CELF2: variants seen among roughly 807,000 people sequenced by gnomAD.
The protein encoded by CELF2 is CUG triplet repeat RNA-binding protein 2.
A neutral mutation model predicts 62.6 loss-of-function variants in CELF2; 8 were observed. The ratio of observed to expected loss-of-function variants is 0.13; its 90% CI spans 0.07 to 0.23. CELF2 has a LOEUF of 0.23. Ranked by LOEUF, CELF2 falls within the 10% of genes least tolerant of loss-of-function variation. The pLI is 1.00. For missense variants in CELF2, 333 were observed against 671.0 expected (o/e 0.50, Z 5.56); for synonymous variants, 258 against 250.0 (o/e 1.03, Z -0.30).
In CELF2 at chr10:11,223,400, T is replaced by C. The variant is rs750650038; in HGVS notation, c.354+5893T>C. Among the ~76,000 whole-genome samples, 4 of 152,242 alleles carry C rather than the reference T, an allele frequency of 2.6e-5. No homozygotes were observed. The highest frequency in any genetic ancestry group is 2.1e-4 in the South Asian group (1 of 4,836). On this transcript the variant is annotated intron_variant, in intron 3 of 12. Coordinates refer to ENST00000633077, the MANE Select transcript of CELF2 (RefSeq NM_001326342.2). The surrounding 1 kb of genome is among the most constrained non-coding windows in gnomAD (Gnocchi z 5.1). ...CACACATGTATTCTGCTGCGGAATG[T>C]GTCAGTCAGGACATCCATTTGGTGC...
rs142024856 is a variant in CELF2 at position 11,221,574 on chromosome 10, G to C, written c.354+4067G>C. On this transcript the variant is annotated intron_variant, in intron 3 of 12. Coordinates refer to ENST00000633077, the MANE Select transcript of CELF2 (RefSeq NM_001326342.2). ...ATTGTCTCTGGTAATAAGGCTTTTG[G>C]ATTGAAATCCACAGCAGTATCATTA... Among the ~76,000 whole-genome samples the C allele has an allele frequency of 3.9e-5, 6 of 152,254 alleles. No homozygotes were observed. In the East Asian group the frequency reaches 1.2e-3, roughly 29 times the overall value.
chr10:11,136,604 C>G (rs1042098255), intron 1 of CELF2, among the ~76,000 whole-genome samples: 2 of 151,772 alleles, frequency 1.3e-5, no homozygotes, highest in Non-Finnish European at 2.9e-5. Context: ...AACTCCATCT[C>G]AAAAATAAAT....
Position 11,334,373 on chromosome 10 carries a change from T to C in CELF2, c.*5320T>C, listed in dbSNP as rs2133007880. The C allele has an allele frequency of 6.5e-6, 1 of 152,820 alleles. No homozygotes were observed. The highest frequency in any genetic ancestry group is 2.1e-4 in the South Asian group (1 of 4,826). 9.5% of individuals were successfully genotyped at this position (152,820 alleles called of 1,614,324 possible). ...TTTTCCTAATACTTGTTTCTCTCTCTGCGTGTTGTATTGTTGGTAGTCATT... is the reference window on the plus strand; with the variant it reads ...TTTTCCTAATACTTGTTTCTCTCTCCGCGTGTTGTATTGTTGGTAGTCATT... On this transcript the variant is annotated 3_prime_UTR_variant, in exon 13 of 13. Transcript: ENST00000633077.
chr10:11,309,536 G>A lies in CELF2; in HGVS notation c.977-4603G>A, dbSNP rs1464853495. 6.6e-6 allele frequency among the ~76,000 whole-genome samples: 1 copy of A among 152,154 alleles called. No homozygotes were observed. The highest frequency in any genetic ancestry group is 2.4e-5 in the African/African-American group (1 of 41,422). On this transcript the variant is annotated intron_variant, in intron 9 of 12. Coordinates refer to ENST00000633077, the MANE Select transcript of CELF2 (RefSeq NM_001326342.2). This position sits in a 1 kb window ranked among gnomAD's most constrained non-coding sequence, Gnocchi z 5.6. Reference sequence around the variant, plus strand: ...ATCTCTGTTGTTTTCACTTCCAGCTGTTAGCCTCCACTAATCTTCAGTTGT... The same window carrying A: ...ATCTCTGTTGTTTTCACTTCCAGCTATTAGCCTCCACTAATCTTCAGTTGT...
chr10:11,123,545 C>T (rs1212004074), intron 1 of CELF2, among the ~76,000 whole-genome samples: 3 of 152,154 alleles, frequency 2.0e-5, no homozygotes, highest in Admixed American at 1.3e-4. Context: ...CCACCATGCC[C>T]GGCTGAGGCA....
chr10:10,476,140 G>A, the CELF2 span, among the ~76,000 whole-genome samples: 1 of 152,072 alleles, frequency 6.6e-6, no homozygotes, highest in Admixed American at 6.6e-5. Flanking sequence ...AGAACATTCT[G>A]GGCAAATACC....
At chr10:11,216,200 G>T (rs2063325488) in intron 2 of CELF2, among the ~76,000 whole-genome samples, 1 of 152,152 alleles carries the variant, frequency 6.6e-6, no homozygotes, top group Non-Finnish European at 1.5e-5. Flanking sequence ...ACTGTCAGTA[G>T]ACTCTAACTA....
At chr10:10,857,901 G>C (rs957352825) in intron 1 of CELF2, among the ~76,000 whole-genome samples, 3 of 151,230 alleles carry the variant, frequency 2.0e-5, no homozygotes, top group Non-Finnish European at 4.4e-5. Context: ...ACAACCATAG[G>C]GAATTTGTAA....
chr10:10,642,884 G>C, the CELF2 span, among the ~76,000 whole-genome samples: 1 of 152,200 alleles, frequency 6.6e-6, no homozygotes, highest in Non-Finnish European at 1.5e-5. Flanking sequence ...TGCAGGCCTG[G>C]CCTGCCATCT....
chr10:10,979,706 G>T (rs1773733127), intron 2 of CELF2, among the ~76,000 whole-genome samples: 1 of 149,336 alleles, frequency 6.7e-6, no homozygotes, highest in South Asian at 2.1e-4. Context: ...AATTCCATTG[G>T]CTTATAACCT....
At chr10:10,996,091 G>A (rs2053920090) in intron 2 of CELF2, among the ~76,000 whole-genome samples, 1 of 152,158 alleles carries the variant, frequency 6.6e-6, no homozygotes, top group Admixed American at 6.5e-5. Flanking sequence ...CAAATGTAGA[G>A]TTTCTAATTT....
chr10:11,097,296 T>C (rs2050165084), intron 1 of CELF2: 1 of 152,252 alleles, frequency 6.6e-6, no homozygotes, highest in South Asian at 2.1e-4. Context: ...TTTAAAAATA[T>C]TTATATGTCT....
At chr10:11,161,483 T>G (rs1399620655) in intron 1 of CELF2, among the ~76,000 whole-genome samples, 1 of 152,238 alleles carries the variant, frequency 6.6e-6, no homozygotes, top group African/African-American at 2.4e-5. Context: ...CACCTCTCAC[T>G]GCATTCACAT....
Position 10,990,787 on chromosome 10 carries a change from G to A in CELF2, c.89+70788G>A, listed in dbSNP as rs2053338723. Reference sequence around the variant, plus strand: ...AGGATTCAATAAGATGCTCAGAAATGTACCAACTGACATTTTACTAAGTCA... The same window carrying A: ...AGGATTCAATAAGATGCTCAGAAATATACCAACTGACATTTTACTAAGTCA... On this transcript the variant is annotated intron_variant, in intron 2 of 13. Transcript: ENST00000636488. This position sits in a 1 kb window ranked among gnomAD's most constrained non-coding sequence, Gnocchi z 4.6. Among the ~76,000 whole-genome samples the A allele has an allele frequency of 6.6e-6, 1 of 152,156 alleles. No homozygotes were observed. The highest frequency in any genetic ancestry group is 1.5e-5 in the Non-Finnish European group (1 of 68,024).
chr10:10,481,668 G>A, the CELF2 span, among the ~76,000 whole-genome samples: 1 of 152,170 alleles, frequency 6.6e-6, no homozygotes, highest in African/African-American at 2.4e-5. Context: ...TAATAATTGG[G>A]TCAGCAAGTC....
the CELF2 span, among the ~76,000 whole-genome samples, chr10:10,584,546 A>G: frequency 6.6e-6 from 1 of 152,200 alleles, no homozygotes; most frequent in Non-Finnish European, 1.5e-5. Flanking sequence ...GTTCAACCAC[A>G]AGGACTCAAA....
chr10:11,226,562 A>C (rs2066614866), intron 3 of CELF2, among the ~76,000 whole-genome samples: 1 of 151,814 alleles, frequency 6.6e-6, no homozygotes, highest in Non-Finnish European at 1.5e-5. Context: ...GACAGGGTGC[A>C]GCAGCATGAA....
At chr10:10,987,518 A>G (rs1160566581) in intron 2 of CELF2, among the ~76,000 whole-genome samples, 1 of 152,212 alleles carries the variant, frequency 6.6e-6, no homozygotes, top group Admixed American at 6.5e-5. Context: ...AAAGGTACAT[A>G]GTCTTTGGGA....
intron 1 of CELF2, among the ~76,000 whole-genome samples, chr10:11,042,508 C>A (rs1393695316): frequency 6.6e-6 from 1 of 152,158 alleles, no homozygotes; most frequent in African/African-American, 2.4e-5. Flanking sequence ...TTCTTTTTAT[C>A]TGAGAAGCTG....
Sources: allele counts gnomAD v4.1 joint callset (sites outside exome capture counted in the v4.1 genomes callset), GRCh38; gene constraint gnomAD v4.1.1; non-coding constraint Gnocchi (gnomAD v3.1); transcripts MANE v1.5; gene names NCBI Gene and HGNC (gene_info 2026-07-23, HGNC 2026-07-21).